Variants in TBC1D8 observed in about 807,000 individuals in gnomAD.
TBC1D8 encodes BUB2-like protein 1.
Under a neutral mutation model 118.8 loss-of-function variants are expected in TBC1D8, and 65 were observed. The ratio of observed to expected loss-of-function variants is 0.55; its 90% CI spans 0.45 to 0.67. TBC1D8 has a LOEUF of 0.67. Among genes scored for constraint, TBC1D8 ranks in the 30% least tolerant of loss-of-function variants. TBC1D8 has a pLI of 0.00. For synonymous variants in TBC1D8, 566 were observed against 595.8 expected, an observed-to-expected ratio of 0.95 and a Z score of 0.73; for missense variants, 1,376 against 1,471.2, an observed-to-expected ratio of 0.94 and a Z score of 1.06.
In TBC1D8 at chr2:101,054,672, CTTTTTT is replaced by C. The variant is rs34465252; in HGVS notation, c.403-342_403-337del. Among the ~76,000 whole-genome samples the C allele has an allele frequency of 1.6e-3, 41 of 25,438 alleles. 2 individuals are homozygous for C. The South Asian group carries it at 0.019, about 12-fold the overall frequency. 16.7% of individuals were successfully genotyped at this position (25,438 alleles called of 152,430 possible). A position where few individuals can be genotyped will look rare whatever the true frequency, so the allele number is the denominator to read the frequency against. On this transcript the variant is annotated intron_variant, in intron 3 of 19. Transcript: ENST00000409318. ...ACAAACAATCATTTTCTTTTCTTTT[CTTTTTT>C]TTTTTTTTTTTTTTTTTTTTGGAGA...
intron 2 of TBC1D8, among the ~76,000 whole-genome samples, chr2:101,081,569 C>G (rs1344635675): frequency 2.0e-5 from 3 of 152,084 alleles, no homozygotes; most frequent in East Asian, 1.9e-4. Flanking sequence ...GAAGTGGGCC[C>G]CCTGGGACCC....
intron 1 of TBC1D8, among the ~76,000 whole-genome samples, chr2:101,098,195 C>T (rs1676591907): frequency 6.6e-6 from 1 of 152,104 alleles, no homozygotes; most frequent in Non-Finnish European, 1.5e-5. Flanking sequence ...GAGTTCAAGA[C>T]CAGCTTGACC....
intron 2 of TBC1D8, among the ~76,000 whole-genome samples, chr2:101,087,073 C>T (rs996914036): frequency 2.0e-5 from 3 of 152,026 alleles, no homozygotes; most frequent in Non-Finnish European, 2.9e-5. Context: ...AGTGAGCCAC[C>T]GCGCCCGGCT....
chr2:101,009,788 C>T (rs918942508), intron 19 of TBC1D8, among the ~76,000 whole-genome samples: 1 of 151,290 alleles, frequency 6.6e-6, no homozygotes, highest in Admixed American at 6.6e-5. Flanking sequence ...TAGTCCACAG[C>T]ACCAAAATGA....
intron 1 of TBC1D8, among the ~76,000 whole-genome samples, chr2:101,096,250 C>T (rs1676411527): frequency 6.6e-6 from 1 of 151,800 alleles, no homozygotes; most frequent in Non-Finnish European, 1.5e-5. Flanking sequence ...AGCCCAAAGA[C>T]AAATGGAGAG....
chr2:101,140,151 C>T lies in TBC1D8; in HGVS notation c.127+10976G>A, dbSNP rs993056169. ...TGTTTTACAGGTTAATAAACTGAGA[C>T]CCTACAAAGAGTGGGTTATGGTCAC... is the stretch of plus-strand genomic sequence containing the variant. On this transcript the variant is annotated intron_variant, in intron 1 of 19. Coordinates refer to ENST00000409318, the MANE Select transcript of TBC1D8 (RefSeq NM_001330348.2). Among the ~76,000 whole-genome samples the T allele has an allele frequency of 2.0e-5, 3 of 152,058 alleles. No individual in the cohort carries two copies. The East Asian group carries it at 5.8e-4, about 29-fold the overall frequency.
intron 12 of TBC1D8, among the ~76,000 whole-genome samples, chr2:101,029,099 C>T (rs540289087): frequency 6.6e-6 from 1 of 152,210 alleles, no homozygotes; most frequent in Non-Finnish European, 1.5e-5. Context: ...GAACAGAAAA[C>T]TTCCACAGGG....
rs762181291 is a variant in TBC1D8 at position 101,050,530 on chromosome 2, A to G, written c.743T>C (p.Met248Thr). ...AAACACCTCATCCAGGTTCAGGAAC[A>G]TGGAGAAGTCACGCTCCTTATTCTG... is the stretch of plus-strand genomic sequence containing the variant. ...TTQNKERDFS[M>T]FLNLDEVFKV... The change falls in exon 5 of 20, where the codon ATG (methionine) becomes ACG (threonine). Residue 248 changes from methionine (M) to threonine (T), a missense_variant. Coordinates refer to ENST00000409318, the MANE Select transcript of TBC1D8 (RefSeq NM_001330348.2). 8 of 1,613,916 alleles carry G rather than the reference A, an allele frequency of 5.0e-6. No individual in the cohort carries two copies. The highest frequency in any genetic ancestry group is 6.8e-6 in the Non-Finnish European group (8 of 1,179,892).
chr2:101,140,020 A>C (rs1679033350), intron 1 of TBC1D8, among the ~76,000 whole-genome samples: 1 of 152,198 alleles, frequency 6.6e-6, no homozygotes, highest in South Asian at 2.1e-4. Flanking sequence ...TTTATCTACA[A>C]GTAATTTCAT....
chr2:101,092,470 G>T (rs913355977), intron 1 of TBC1D8, among the ~76,000 whole-genome samples: 9 of 152,144 alleles, frequency 5.9e-5, no homozygotes, highest in Admixed American at 6.6e-5. Context: ...ATTCTGTGGA[G>T]AAGTATTCTG....
At chr2:101,054,443 G>C in intron 3 of TBC1D8, 107 bp from the exon 4 acceptor site, 1 of 1,126,802 alleles carries the variant, frequency 8.9e-7, no homozygotes, top group East Asian at 2.6e-5. Context: ...CCCCCGAGAA[G>C]TGTGCGCTGC....
chr2:101,106,563 G>A (rs141034610), intron 1 of TBC1D8, among the ~76,000 whole-genome samples: 45 of 152,184 alleles, frequency 3.0e-4, no homozygotes, highest in Non-Finnish European at 5.6e-4. Flanking sequence ...AGGACTCCAT[G>A]GGCCACAGGT....
intron 1 of TBC1D8, among the ~76,000 whole-genome samples, chr2:101,115,170 G>A (rs1442232419): frequency 6.6e-6 from 1 of 152,088 alleles, no homozygotes; most frequent in African/African-American, 2.4e-5. Flanking sequence ...GACAGACAGC[G>A]GTCACCCAAT....
intron 1 of TBC1D8, among the ~76,000 whole-genome samples, chr2:101,116,504 A>G (rs1677824669): frequency 6.6e-6 from 1 of 152,130 alleles, no homozygotes; most frequent in Non-Finnish European, 1.5e-5. Flanking sequence ...TTACAGGCTG[A>G]ATTTTGGAAG....
chr2:101,091,382 C>T (rs1228152859), intron 1 of TBC1D8, among the ~76,000 whole-genome samples: 1 of 152,006 alleles, frequency 6.6e-6, no homozygotes. Flanking sequence ...TAATGAGTGG[C>T]ATCAGAAATC....
intron 5 of TBC1D8, among the ~76,000 whole-genome samples, chr2:101,047,603 C>T (rs1285576943): frequency 6.6e-6 from 1 of 152,192 alleles, no homozygotes; most frequent in African/African-American, 2.4e-5. Flanking sequence ...AGGCAAGGTA[C>T]ATACATGCCT....
chr2:101,137,832 T>C (rs1339636023), intron 1 of TBC1D8, among the ~76,000 whole-genome samples: 3 of 152,130 alleles, frequency 2.0e-5, no homozygotes, highest in Non-Finnish European at 2.9e-5. Context: ...CAAAGAACTC[T>C]TTTTGCCAGG....
At chr2:101,116,319 C>T (rs906395584) in intron 1 of TBC1D8, among the ~76,000 whole-genome samples, 4 of 152,192 alleles carry the variant, frequency 2.6e-5, no homozygotes, top group Non-Finnish European at 5.9e-5. Flanking sequence ...AGAAGTTGTA[C>T]ACTGCTCTAG....
chr2:101,118,513 G>C (rs886258287), intron 1 of TBC1D8, among the ~76,000 whole-genome samples: 3 of 150,692 alleles, frequency 2.0e-5, no homozygotes, highest in East Asian at 2.0e-4. Context: ...TGGCTAACAC[G>C]GTGAAACCCT....
Sources: gnomAD v4.1 joint callset for allele counts (sites outside exome capture counted in the v4.1 genomes callset) on GRCh38, gnomAD v4.1.1 for gene constraint, MANE v1.5 for transcripts, NCBI Gene and HGNC (gene_info 2026-07-23, HGNC 2026-07-21) for gene names.